Variants in RIMBP2 observed in about 807,000 individuals in gnomAD.
RIMBP2 encodes the protein RIMS binding protein 2.
A neutral mutation model predicts 118.6 loss-of-function variants in RIMBP2; 48 were observed. That is an observed-to-expected ratio of 0.40 (90% CI 0.32 to 0.51). RIMBP2 has a LOEUF of 0.51. Among genes scored for constraint, RIMBP2 ranks in the 20% least tolerant of loss-of-function variants. RIMBP2 has a pLI of 0.41. For synonymous variants in RIMBP2, 762 were observed against 742.9 expected (o/e 1.03, Z -0.42); for missense variants, 1,551 against 1,768.3 (o/e 0.88, Z 2.20).
intron 19 of RIMBP2, among the ~76,000 whole-genome samples, chr12:130,410,901 G>C (rs1308979210): frequency 6.6e-6 from 1 of 152,130 alleles, no homozygotes; most frequent in Non-Finnish European, 1.5e-5. Context: ...ATAAATCCCA[G>C]CACAGATTTC....
intron 1 of RIMBP2, among the ~76,000 whole-genome samples, chr12:130,659,416 A>G (rs562586769): frequency 7.2e-5 from 11 of 151,764 alleles, no homozygotes; most frequent in African/African-American, 2.7e-4. Context: ...CTAAAAATAC[A>G]AAAAATTAGC....
intron 21 of RIMBP2, among the ~76,000 whole-genome samples, chr12:130,401,363 G>A (rs747900262): frequency 3.9e-5 from 6 of 152,058 alleles, no homozygotes; most frequent in Non-Finnish European, 8.8e-5. Context: ...TGATCCACCC[G>A]CCTCAGCCTT....
chr12:130,689,229 T>A (rs940883948), intron 1 of RIMBP2, among the ~76,000 whole-genome samples: 4 of 152,056 alleles, frequency 2.6e-5, no homozygotes, highest in Admixed American at 6.5e-5. Context: ...GGTCAGGAGT[T>A]CGAGCCCAGC....
intron 2 of RIMBP2, among the ~76,000 whole-genome samples, chr12:130,593,295 C>T (rs2059383655): frequency 6.6e-6 from 1 of 152,238 alleles, no homozygotes; most frequent in East Asian, 1.9e-4. Flanking sequence ...ACACTGCTCT[C>T]CCACCACTAA....
intron 21 of RIMBP2, among the ~76,000 whole-genome samples, chr12:130,400,901 T>C (rs1352188532): frequency 1.3e-5 from 2 of 152,102 alleles, no homozygotes; most frequent in African/African-American, 4.8e-5. Flanking sequence ...CACACTACTA[T>C]CAAAAACAAA....
At chr12:130,694,833 G>A (rs2065493478) in intron 1 of RIMBP2, among the ~76,000 whole-genome samples, 2 of 152,204 alleles carry the variant, frequency 1.3e-5, no homozygotes, top group African/African-American at 4.8e-5. Flanking sequence ...CATTGGACAC[G>A]CGGACAGCCA....
chr12:130,432,276 G>A (rs765830951), intron 14 of RIMBP2: 9 of 456,604 alleles, frequency 2.0e-5, no homozygotes, highest in South Asian at 1.4e-4. Context: ...GAGACCATCT[G>A]CGTAATCATG....
intron 1 of RIMBP2, among the ~76,000 whole-genome samples, chr12:130,644,383 A>AG (rs2062756361): frequency 1.3e-5 from 2 of 152,340 alleles, no homozygotes; most frequent in South Asian, 4.1e-4. Flanking sequence ...GAGCACCGTA[A>AG]GATCCAGCCC....
chr12:130,624,533 C>G (rs2061509898), intron 2 of RIMBP2, among the ~76,000 whole-genome samples: 1 of 152,036 alleles, frequency 6.6e-6, no homozygotes, highest in Admixed American at 6.6e-5. Context: ...AAAGAAACAC[C>G]AAACTCTTCA....
chr12:130,501,508 C>A (rs1020350196), intron 4 of RIMBP2, among the ~76,000 whole-genome samples: 1 of 152,226 alleles, frequency 6.6e-6, no homozygotes, highest in Non-Finnish European at 1.5e-5. Context: ...ATGAGACGCA[C>A]CGCAGTGCCA....
intron 2 of RIMBP2, among the ~76,000 whole-genome samples, chr12:130,615,908 G>A (rs747337847): frequency 6.6e-6 from 1 of 152,236 alleles, no homozygotes; most frequent in South Asian, 2.1e-4. Flanking sequence ...ACCCAGACAA[G>A]CTACATGGAG....
chr12:130,456,706 C>T lies in RIMBP2; in HGVS notation c.154-6G>A, dbSNP rs758658748. 1.6e-5 allele frequency: 26 copies of T among 1,593,794 alleles called. No homozygotes were observed. The highest frequency in any genetic ancestry group is 1.5e-4 in the Admixed American group (9 of 59,394). The stretch of plus-strand genomic sequence containing the variant: ...TCCAGCTCTCGAACCTTGGACTGCA[C>T]GGCAGAAGCAGGACAGGGGGTCAGC... On this transcript the variant is annotated splice_polypyrimidine_tract_variant and splice_region_variant and intron_variant, in intron 6 of 22. Transcript: ENST00000690449.
At position 130,525,518 on chromosome 12, in the gene RIMBP2, CCTT is replaced by C. The variant is rs1481561010; in HGVS notation, c.-216-7604_-216-7602del. Among the ~76,000 whole-genome samples, 2 of 152,156 alleles carry C rather than the reference CCTT, an allele frequency of 1.3e-5. No individual in the cohort carries two copies. The highest frequency in any genetic ancestry group is 2.4e-5 in the African/African-American group (1 of 41,442). ...GGCAGTCACAGAGTCAGTAACTCCT[CCTT>C]CCTCCCACAGGCGAGTGGAATGTGG... On this transcript the variant is annotated intron_variant, in intron 2 of 22. Transcript: ENST00000690449. The surrounding 1 kb of genome is among the most constrained non-coding windows in gnomAD (Gnocchi z 4.4).
chr12:130,411,038 T>G (rs533022299), intron 19 of RIMBP2, among the ~76,000 whole-genome samples: 102 of 152,344 alleles, frequency 6.7e-4, no homozygotes, highest in African/African-American at 2.4e-3. Context: ...TTTTCTGATT[T>G]TCGGCATACA....
Position 130,450,633 on chromosome 12 carries a change from C to T in RIMBP2, c.505-357G>A, listed in dbSNP as rs545421863. ...GGGGTAAAATTAAGCAGTATGTGCACGACCCCCCAGTGATCCCACTCTCAC... is the reference window on the plus strand; with the variant it reads ...GGGGTAAAATTAAGCAGTATGTGCATGACCCCCCAGTGATCCCACTCTCAC... On this transcript the variant is annotated intron_variant, in intron 8 of 22. Coordinates refer to ENST00000690449, the MANE Select transcript of RIMBP2 (RefSeq NM_001393629.1). The surrounding 1 kb of genome is among the most constrained non-coding windows in gnomAD (Gnocchi z 4.8). 2.5e-4 allele frequency among the ~76,000 whole-genome samples: 33 copies of T among 131,490 alleles called. No individual in the cohort carries two copies. The highest frequency in any genetic ancestry group is 8.6e-4 in the African/African-American group (30 of 34,922). 86.3% of individuals were successfully genotyped at this position (131,490 alleles called of 152,430 possible).
At chr12:130,695,405 G>A (rs11834234) in intron 1 of RIMBP2, among the ~76,000 whole-genome samples, 1,764 of 152,294 alleles carry the variant, frequency 0.012, 43 homozygotes, top group African/African-American at 0.04. Context: ...GGATGGAAAG[G>A]TGCTGCTCTC....
At chr12:130,409,759 T>C (rs1254200449) in intron 19 of RIMBP2, among the ~76,000 whole-genome samples, 2 of 152,166 alleles carry the variant, frequency 1.3e-5, no homozygotes, top group Non-Finnish European at 2.9e-5. Flanking sequence ...CCCCATTGTG[T>C]GGGGCGCCTT....
At chr12:130,705,237 G>A (rs539292795) in intron 1 of RIMBP2, among the ~76,000 whole-genome samples, 15 of 152,270 alleles carry the variant, frequency 9.9e-5, no homozygotes, top group East Asian at 3.9e-4. Context: ...CTGCACACCC[G>A]AAGCCCAGGA....
intron 9 of RIMBP2, among the ~76,000 whole-genome samples, chr12:130,448,509 G>A (rs2078728807): frequency 6.6e-6 from 1 of 152,260 alleles, no homozygotes; most frequent in Admixed American, 6.5e-5. Context: ...AGGCTCAGAG[G>A]ACACCAGCCC....
Sources: allele counts gnomAD v4.1 joint callset (sites outside exome capture counted in the v4.1 genomes callset), GRCh38; gene constraint gnomAD v4.1.1; non-coding constraint Gnocchi (gnomAD v3.1); transcripts MANE v1.5; gene names NCBI Gene and HGNC (gene_info 2026-07-23, HGNC 2026-07-21).